The following DNA2 variants were observed in gnomAD, a reference collection of about 807,000 sequenced individuals.
DNA2 encodes DNA replication helicase/nuclease 2, also known as DNA replication ATP-dependent helicase/nuclease DNA2.
DNA2 carries 101 observed loss-of-function variants against 119.1 expected under a neutral mutation model. That is an observed-to-expected ratio of 0.85 (90% CI 0.72 to 1.00). The LOEUF is 1.00. DNA2 is among the 50% of genes least tolerant of loss of function. DNA2 has a pLI of 0.00. For synonymous variants in DNA2, 366 were observed against 424.4 expected, an observed-to-expected ratio of 0.86 and a Z score of 1.69; for missense variants, 1,121 against 1,255.5, an observed-to-expected ratio of 0.89 and a Z score of 1.62.
At chr10:68,444,551 C>T (rs1301824597) in intron 8 of DNA2, among the ~76,000 whole-genome samples, 1 of 151,726 alleles carries the variant, frequency 6.6e-6, no homozygotes, top group African/African-American at 2.4e-5. Flanking sequence ...ACGGTGAAAC[C>T]TCTTCTCTAC....
intron 4 of DNA2, among the ~76,000 whole-genome samples, chr10:68,462,688 C>T (rs1404533931): frequency 2.0e-5 from 3 of 152,174 alleles, no homozygotes; most frequent in African/African-American, 7.2e-5. Context: ...CCTAACTCTG[C>T]ACTACCAGAT....
intron 10 of DNA2, among the ~76,000 whole-genome samples, chr10:68,436,378 A>G (rs1287013724): frequency 6.6e-6 from 1 of 152,234 alleles, no homozygotes; most frequent in Non-Finnish European, 1.5e-5. Context: ...ATGAATCCAT[A>G]CAGAAAGAAA....
intron 13 of DNA2, 88 bp from the exon 14 acceptor site, chr10:68,430,748 A>G (rs796467142): frequency 6.4e-5 from 66 of 1,037,622 alleles, no homozygotes; most frequent in Non-Finnish European, 8.7e-5. Flanking sequence ...AACAAGAACC[A>G]TATCTAAGAG....
At chr10:68,422,155 C>T in intron 17 of DNA2, 70 bp downstream of exon 17, 3 of 1,253,854 alleles carry the variant, frequency 2.4e-6, no homozygotes, top group Middle Eastern at 2.1e-4. Context: ...AGGGCATGTG[C>T]TAATGAAAAC....
At chr10:68,472,087 C>T (rs777172578), upstream of DNA2, 1 of 1,563,258 alleles carries the variant, frequency 6.4e-7, no homozygotes, top group South Asian at 1.2e-5. Flanking sequence ...TGCCTTTGCT[C>T]CCTTGCTTAG....
At chr10:68,419,359 A>C in intron 18 of DNA2, 146 bp from the exon 19 acceptor site, 1 of 641,544 alleles carries the variant, frequency 1.6e-6, no homozygotes, top group South Asian at 2.4e-5. Flanking sequence ...CAATTACTGA[A>C]TTTGCTCTAA....
At chr10:68,471,634 AG>A (rs2052382468) in intron 1 of DNA2, among the ~76,000 whole-genome samples, 156 bp downstream of exon 1, 1 of 152,198 alleles carries the variant, frequency 6.6e-6, no homozygotes, top group Admixed American at 6.5e-5. Flanking sequence ...CTTGGGAGGC[AG>A]GCCCCGACTC....
At position 68,422,442 on chromosome 10, in the gene DNA2, C is replaced by G. The variant is rs2051678048; in HGVS notation, c.2493-13G>C. On this transcript the variant is annotated splice_polypyrimidine_tract_variant and intron_variant, in intron 16 of 20. Transcript: ENST00000358410. ...GGACATAATTTTACTAAGGGAATTA[C>G]AAAAGATAACTTTAGTTTTGGTAGA... is the stretch of plus-strand genomic sequence containing the variant. 6.2e-7 allele frequency: 1 copy of G among 1,612,720 alleles called. No individual in the cohort carries two copies. The highest frequency in any genetic ancestry group is 1.1e-5 in the South Asian group (1 of 90,922).
intron 10 of DNA2, among the ~76,000 whole-genome samples, chr10:68,433,620 C>A (rs1173296648): frequency 6.6e-6 from 1 of 152,074 alleles, no homozygotes; most frequent in East Asian, 1.9e-4. Flanking sequence ...GCCTTGAACT[C>A]CTGAGCTCAA....
At chr10:68,471,680 G>A in intron 1 of DNA2, 111 bp downstream of exon 1, 5 of 1,346,680 alleles carry the variant, frequency 3.7e-6, no homozygotes, top group Non-Finnish European at 4.9e-6. Context: ...AGCTGCACCG[G>A]GTCCCTGGGC....
At chr10:68,415,440 C>A (rs1168137831) in intron 20 of DNA2, among the ~76,000 whole-genome samples, 1 of 151,934 alleles carries the variant, frequency 6.6e-6, no homozygotes, top group Admixed American at 6.6e-5. Context: ...CCATGCCCGG[C>A]TAATTTTGTA....
In DNA2 at chr10:68,424,793, T is replaced by G. The variant is rs889238092; in HGVS notation, c.2209-1903A>C. ...TAGTCCAGGTGTACAGAAAGAAAGATGTCATCTACACTGAGCAGGTGCAGC... is the reference window on the plus strand; with the variant it reads ...TAGTCCAGGTGTACAGAAAGAAAGAGGTCATCTACACTGAGCAGGTGCAGC... On this transcript the variant is annotated intron_variant, in intron 14 of 20. Coordinates refer to ENST00000358410, the MANE Select transcript of DNA2 (RefSeq NM_001080449.3). 6.6e-6 allele frequency: 8 copies of G among 1,215,594 alleles called. No homozygotes were observed. In the African/African-American group the frequency reaches 1.0e-4, roughly 16 times the overall value. 75.3% of individuals were successfully genotyped at this position (1,215,594 alleles called of 1,614,324 possible). A position where few individuals can be genotyped will look rare whatever the true frequency, so the allele number is the denominator to read the frequency against.
At chr10:68,426,787 C>T (rs1297847830) in intron 14 of DNA2, among the ~76,000 whole-genome samples, 1 of 147,936 alleles carries the variant, frequency 6.8e-6, no homozygotes, top group Non-Finnish European at 1.5e-5. Context: ...TGCAGTGAGC[C>T]GAGATTGTGC....
intron 8 of DNA2, among the ~76,000 whole-genome samples, chr10:68,444,245 C>G (rs954625439): frequency 1.3e-5 from 2 of 151,928 alleles, no homozygotes; most frequent in African/African-American, 4.8e-5. Flanking sequence ...CAAAAATTAG[C>G]TGGGTGCGGT....
intron 10 of DNA2, 60 bp downstream of exon 10, chr10:68,436,951 T>G (rs1401092846): frequency 7.6e-7 from 1 of 1,308,746 alleles, no homozygotes; most frequent in Non-Finnish European, 1.1e-6. Context: ...ATGGATGAAC[T>G]ACACAGATGT....
At chr10:68,463,110 C>T (rs1480301460) in intron 4 of DNA2, among the ~76,000 whole-genome samples, 1 of 143,568 alleles carries the variant, frequency 7.0e-6, no homozygotes, top group Admixed American at 7.1e-5. Flanking sequence ...CCAGCCTGGG[C>T]GACAGAGCCA....
rs766753463 is a variant in DNA2 at position 68,471,957 on chromosome 10, G to A, written c.-93C>T. 18 of 1,612,490 alleles carry A rather than the reference G, an allele frequency of 1.1e-5. No homozygotes were observed. Among genetic ancestry groups the A allele is most frequent in the Non-Finnish European group, 1.5e-5 (18 of 1,178,956 alleles). On this transcript the variant is annotated 5_prime_UTR_variant, in exon 1 of 21. Transcript: ENST00000358410. ...AGAAAAGGGAAAAAGGCGCGAGCCT[G>A]CGCACCTCGCGCGCATGCGCCAACC...
chr10:68,471,197 T>C (rs1381908757), intron 1 of DNA2, among the ~76,000 whole-genome samples: 2 of 152,114 alleles, frequency 1.3e-5, no homozygotes, highest in Non-Finnish European at 2.9e-5. Context: ...GACCGTAGGT[T>C]CTATTATTTT....
chr10:68,447,344 CCT>C (rs1209380987), intron 6 of DNA2, among the ~76,000 whole-genome samples: 1 of 151,676 alleles, frequency 6.6e-6, no homozygotes, highest in African/African-American at 2.4e-5. Context: ...ATAGTGAAAC[CCT>C]GTCTCTACTA....
Sources: allele counts gnomAD v4.1 joint callset (sites outside exome capture counted in the v4.1 genomes callset), GRCh38; gene constraint gnomAD v4.1.1; transcripts MANE v1.5; gene names NCBI Gene and HGNC (gene_info 2026-07-23, HGNC 2026-07-21).